The following SDAD1 variants were observed in gnomAD, a reference collection of about 807,000 sequenced individuals.
SDAD1 encodes the protein protein SDA1 homolog.
A neutral mutation model predicts 100.3 loss-of-function variants in SDAD1; 79 were observed. The ratio of observed to expected loss-of-function variants is 0.79; its 90% CI spans 0.66 to 0.95. The LOEUF (loss-of-function observed/expected upper bound fraction) is 0.95, where lower values mean the gene tolerates loss of function less well. Among genes scored for constraint, SDAD1 ranks in the 40% least tolerant of loss-of-function variants. The pLI, the probability that SDAD1 is intolerant of heterozygous loss-of-function variation, is 0.00. For synonymous variants in SDAD1, 267 were observed against 271.4 expected, an observed-to-expected ratio of 0.98 and a Z score of 0.16; for missense variants, 790 against 810.9, an observed-to-expected ratio of 0.97 and a Z score of 0.31.
At chr4:75,990,594 G>A (rs1731198536) in intron 1 of SDAD1, 158 bp downstream of exon 1, 5 of 1,509,888 alleles carry the variant, frequency 3.3e-6, no homozygotes, top group Non-Finnish European at 4.5e-6. Context: ...CCTAAGGCAT[G>A]TCCCGTCCCC....
intron 1 of SDAD1, among the ~76,000 whole-genome samples, chr4:75,990,202 G>C (rs1410057626): frequency 1.3e-5 from 2 of 151,628 alleles, no homozygotes; most frequent in Non-Finnish European, 2.9e-5. Flanking sequence ...AGTCATGCCA[G>C]TCTCCGGTAA....
At position 75,973,339 on chromosome 4, in the gene SDAD1, T is replaced by C. The variant is rs1416137241; in HGVS notation, c.689A>G (p.Gln230Arg). The C allele has an allele frequency of 4.3e-6, 7 of 1,613,646 alleles. No homozygotes were observed. Among genetic ancestry groups the C allele is most frequent in the Admixed American group, 1.7e-5 (1 of 60,026 alleles). ...FFLGKDEDEK[Q>R]DSDSESEDDG... ...AACCTCAGATTCGGAGTCACTGTCC[T>C]GTTTTTCATCTTCATCTTTCCCAAG... Residue 230 changes from glutamine (Q) to arginine (R), a missense_variant, in exon 8 of 22, where the codon CAG (glutamine) becomes CGG (arginine). By Grantham distance (43) the Gln-to-Arg change is conservative. Transcript: ENST00000356260.
At position 75,975,801 on chromosome 4, in the gene SDAD1, G is replaced by A. The variant is rs770159045; in HGVS notation, c.521C>T (p.Ala174Val). 1 of 1,613,942 alleles carries A rather than the reference G, an allele frequency of 6.2e-7. No homozygotes were observed. Among genetic ancestry groups the A allele is most frequent in the Admixed American group, 1.7e-5 (1 of 60,012 alleles). ...ATCTAAAGACATCTTGGCTGCGGTT[G>A]CATTGCTATCTCTTAACATGGTGTA... ...FMYTMLRDSNATAAKMSLDVM... is the reference protein window; with the variant it reads ...FMYTMLRDSNVTAAKMSLDVM... The change falls in exon 6 of 22, where the codon GCA becomes GTA. Residue 174 changes from alanine (A) to valine (V), a missense_variant. Coordinates refer to ENST00000356260, the MANE Select transcript of SDAD1 (RefSeq NM_018115.4).
rs1729147774 is a variant in SDAD1, at chr4:75,960,145, T to C, written c.1404A>G (p.Gly468=). ...ASIEARVQEY[G]ELDAKDYIPG... is the part of the protein sequence containing the mutation. ...GAATGTAATCTTTAGCATCTAATTC[T>C]CCATATTCTTGTACTCTTGCTTCTA... is the stretch of plus-strand genomic sequence containing the variant. The change falls in exon 17 of 22, where the codon GGA becomes GGG. Residue 468 remains glycine, a synonymous_variant. Transcript: ENST00000356260. 6.2e-7 allele frequency: 1 copy of C among 1,612,134 alleles called. No individual in the cohort carries two copies. The highest frequency in any genetic ancestry group is 2.2e-5 in the East Asian group (1 of 44,860).
At chr4:75,956,407 GTT>G (rs11315314) in intron 20 of SDAD1, among the ~76,000 whole-genome samples, 65 of 128,510 alleles carry the variant, frequency 5.1e-4, no homozygotes, top group Non-Finnish European at 7.6e-4. Flanking sequence ...TTTTTTTTTT[GTT>G]TTTTTTTTTT....
intron 1 of SDAD1, among the ~76,000 whole-genome samples, chr4:75,988,688 G>A (rs981161500): frequency 6.6e-6 from 1 of 152,104 alleles, no homozygotes; most frequent in Non-Finnish European, 1.5e-5. Flanking sequence ...GCCCAGCATT[G>A]TGCCTTACAT....
At chr4:75,957,998 GT>G in intron 17 of SDAD1, 57 bp from the exon 18 acceptor site, 1 of 1,391,514 alleles carries the variant, frequency 7.2e-7, no homozygotes, top group Admixed American at 1.7e-5. Flanking sequence ...TCAACATAAA[GT>G]TGAGATGAAG....
intron 4 of SDAD1, among the ~76,000 whole-genome samples, chr4:75,976,562 A>G (rs1730169326): frequency 6.6e-6 from 1 of 152,206 alleles, no homozygotes; most frequent in Non-Finnish European, 1.5e-5. Flanking sequence ...ACCTAGAGCT[A>G]AAAGGGATGA....
intron 14 of SDAD1, among the ~76,000 whole-genome samples, chr4:75,962,128 T>A (rs13132564): frequency 0.33 from 50,230 of 152,016 alleles, 9,146 homozygotes; most frequent in South Asian, 0.42. Context: ...AATTCCCACC[T>A]GTGAGTGAGA....
Position 75,970,356 on chromosome 4 carries a change from G to A in SDAD1, c.836C>T (p.Pro279Leu). ...VLKKQKKKKKPEVFNFSAIHL... is the reference protein window; with the variant it reads ...VLKKQKKKKKLEVFNFSAIHL... Reference sequence around the variant, plus strand: ...AATGGCTGAAAAGTTAAACACCTCTGGTTTTTTCTTCTTTTTTTGTTTCTG... The same window carrying A: ...AATGGCTGAAAAGTTAAACACCTCTAGTTTTTTCTTCTTTTTTTGTTTCTG... Residue 279 changes from proline (P) to leucine (L), a missense_variant, in exon 10 of 22, where the codon CCA (proline) becomes CTA (leucine). Physicochemically the swap from Pro to Leu is moderately conservative, Grantham distance 98 (BLOSUM62 -3). Coordinates refer to ENST00000356260, the MANE Select transcript of SDAD1 (RefSeq NM_018115.4). 1 of 1,613,458 alleles carries A rather than the reference G, an allele frequency of 6.2e-7. No homozygotes were observed. The highest frequency in any genetic ancestry group is 1.1e-5 in the South Asian group (1 of 91,054).
intron 10 of SDAD1, 112 bp downstream of exon 10, chr4:75,970,197 T>A: frequency 4.9e-6 from 4 of 822,782 alleles, no homozygotes; most frequent in Middle Eastern, 2.3e-4. Flanking sequence ...TAAGCATTTA[T>A]TGACTATCTA....
At chr4:75,984,778 A>AACACACACACACAC (rs35320227) in intron 1 of SDAD1, among the ~76,000 whole-genome samples, 3,220 of 136,948 alleles carry the variant, frequency 0.024, 73 homozygotes, top group East Asian at 0.043. Flanking sequence ...CACACACACA[A>AACACACACACACAC]ACACACACAC....
intron 3 of SDAD1, 75 bp from the exon 4 acceptor site, chr4:75,977,831 A>C: frequency 1.2e-6 from 1 of 853,982 alleles, no homozygotes; most frequent in South Asian, 1.4e-5. Flanking sequence ...TATATGTCCC[A>C]AGACCTTAAT....
At chr4:75,969,824 C>T (rs891106773) in intron 10 of SDAD1, among the ~76,000 whole-genome samples, 3 of 152,116 alleles carry the variant, frequency 2.0e-5, no homozygotes, top group Non-Finnish European at 4.4e-5. Context: ...AGCCCCAACG[C>T]CCAGCTACAC....
chr4:75,968,203 T>G (rs1303925903), intron 11 of SDAD1, among the ~76,000 whole-genome samples: 1 of 152,110 alleles, frequency 6.6e-6, no homozygotes, highest in East Asian at 1.9e-4. Context: ...CTGAATGAAA[T>G]TGCTGCACAA....
Position 75,970,334 on chromosome 4 carries a change from G to A in SDAD1, c.858C>T (p.Ala286=), listed in dbSNP as rs754760136. 1.2e-6 allele frequency: 2 copies of A among 1,613,846 alleles called. No individual in the cohort carries two copies. Among genetic ancestry groups the A allele is most frequent in the Admixed American group, 3.3e-5 (2 of 60,016 alleles). Residue 286 remains alanine (A), a synonymous_variant, in exon 10 of 22, where the codon GCC becomes GCT. Coordinates refer to ENST00000356260, the MANE Select transcript of SDAD1 (RefSeq NM_018115.4). ...CTTGGGGATCATGAATCAAGTGAAT[G>A]GCTGAAAAGTTAAACACCTCTGGTT... ...KKKPEVFNFS[A]IHLIHDPQDF...
intron 8 of SDAD1, among the ~76,000 whole-genome samples, chr4:75,972,157 T>G (rs1291559729): frequency 1.3e-5 from 2 of 152,036 alleles, no homozygotes; most frequent in Non-Finnish European, 2.9e-5. Context: ...AGGATGGTTT[T>G]GAACTACTGA....
chr4:75,954,195 C>G (rs1728759449), intron 21 of SDAD1, among the ~76,000 whole-genome samples: 1 of 152,022 alleles, frequency 6.6e-6, no homozygotes, highest in African/African-American at 2.4e-5. Flanking sequence ...TCCTGGCTAA[C>G]ACGGTGAAAC....
intron 12 of SDAD1, among the ~76,000 whole-genome samples, 163 bp downstream of exon 12, chr4:75,967,114 C>T (rs897523811): frequency 1.2e-4 from 19 of 152,106 alleles, no homozygotes; most frequent in Admixed American, 3.3e-4. Context: ...TTGAGGGTAA[C>T]GACAAACCCA....
Sources: gnomAD v4.1 joint callset for allele counts (sites outside exome capture counted in the v4.1 genomes callset) on GRCh38, gnomAD v4.1.1 for gene constraint, MANE v1.5 for transcripts, NCBI Gene and HGNC (gene_info 2026-07-23, HGNC 2026-07-21) for gene names.